Variants in NTRK2 observed in about 807,000 individuals in gnomAD.
NTRK2 encodes the protein neurotrophic receptor tyrosine kinase 2, also known as BDNF/NT-3 growth factors receptor.
A neutral mutation model predicts 94.5 loss-of-function variants in NTRK2; 13 were observed. The ratio of observed to expected loss-of-function variants is 0.14; its 90% confidence interval spans 0.09 to 0.22. The LOEUF is 0.22. Among genes scored for constraint, NTRK2 ranks in the 10% least tolerant of loss-of-function variants. NTRK2 has a pLI of 1.00. For synonymous variants in NTRK2, 372 were observed against 407.4 expected, an observed-to-expected ratio of 0.91 and a Z score of 1.05; for missense variants, 639 against 1,071.2, an observed-to-expected ratio of 0.60 and a Z score of 5.63.
rs199872297 is a variant in NTRK2, at chr9:84,948,653, G to C, written c.1937+19G>C. 1 of 1,613,488 alleles carries C rather than the reference G, an allele frequency of 6.2e-7. No homozygotes were observed. The highest frequency in any genetic ancestry group is 8.5e-7 in the Non-Finnish European group (1 of 1,179,554). On this transcript the variant is annotated intron_variant, in intron 16 of 18. Coordinates refer to ENST00000277120, the MANE Select transcript of NTRK2 (RefSeq NM_006180.6). ...TCCTCAGGTACAGTGAGGCGGGGAG[G>C]TGGGCTCCAGGAGGGAGCAGGCCTT...
At chr9:84,680,386 TTCTC>T (rs2131385823) in intron 2 of NTRK2, among the ~76,000 whole-genome samples, 1 of 152,304 alleles carries the variant, frequency 6.6e-6, no homozygotes, top group African/African-American at 2.4e-5. Context: ...TTTCATTATT[TTCTC>T]TCTGTCAAAT....
At chr9:84,672,141 C>T (rs546678646) in intron 2 of NTRK2, among the ~76,000 whole-genome samples, 6 of 152,264 alleles carry the variant, frequency 3.9e-5, no homozygotes, top group Admixed American at 1.3e-4. Context: ...TTTCTGCCAA[C>T]GTAGTTGACC....
At chr9:84,865,059 T>A (rs1453890543) in intron 13 of NTRK2, among the ~76,000 whole-genome samples, 1 of 152,098 alleles carries the variant, frequency 6.6e-6, no homozygotes, top group Non-Finnish European at 1.5e-5. Flanking sequence ...CATTTTTAAT[T>A]GATGGCCAGA....
intron 12 of NTRK2, among the ~76,000 whole-genome samples, chr9:84,790,402 CA>C (rs1267380142): frequency 1.3e-5 from 2 of 152,190 alleles, no homozygotes; most frequent in African/African-American, 2.4e-5. Context: ...AACATTTTGA[CA>C]AGAGAAATTT....
At chr9:84,958,805 TGAAAGTGAATATTTGCCATCATAGAAC>T in intron 17 of NTRK2, among the ~76,000 whole-genome samples, 1 of 152,214 alleles carries the variant, frequency 6.6e-6, no homozygotes, top group African/African-American at 2.4e-5. Context: ...TTTCGTTTCA[TGAAAGTGAATATTTGCCATCATAGAAC>T]TGGTTCTTGG....
At chr9:84,912,611 CTTTTTTTTT>C (rs1212242779) in intron 14 of NTRK2, among the ~76,000 whole-genome samples, 2 of 95,238 alleles carry the variant, frequency 2.1e-5, no homozygotes, top group Non-Finnish European at 4.0e-5. Context: ...TTTGACTTGC[CTTTTTTTTT>C]TTTTTTTTTT....
intron 17 of NTRK2, among the ~76,000 whole-genome samples, chr9:84,993,008 C>A (rs1056612427): frequency 1.3e-5 from 2 of 151,788 alleles, no homozygotes; most frequent in African/African-American, 4.8e-5. Flanking sequence ...ATAGGCATTT[C>A]CAGTCCTCAT....
chr9:84,841,129 T>G (rs2074158375), intron 12 of NTRK2, among the ~76,000 whole-genome samples: 1 of 152,208 alleles, frequency 6.6e-6, no homozygotes, highest in African/African-American at 2.4e-5. Flanking sequence ...TCAGATGCAT[T>G]TTGAATCCGT....
At chr9:84,743,699 T>C (rs756108379) in intron 10 of NTRK2, among the ~76,000 whole-genome samples, 14 of 152,242 alleles carry the variant, frequency 9.2e-5, no homozygotes, top group Non-Finnish European at 1.9e-4. Context: ...CAGATCCTAC[T>C]TTGGATCTTT....
At chr9:84,928,294 C>T (rs2077893461) in intron 14 of NTRK2, among the ~76,000 whole-genome samples, 2 of 152,122 alleles carry the variant, frequency 1.3e-5, no homozygotes, top group Admixed American at 1.3e-4. Flanking sequence ...TTTGGAAAAT[C>T]ATTTTTGTTA....
intron 1 of NTRK2, among the ~76,000 whole-genome samples, chr9:84,670,114 A>G (rs1283467367): frequency 6.6e-6 from 1 of 151,656 alleles, no homozygotes. Context: ...GGCCTGTACC[A>G]TGGAATCCTG....
rs1046429707 is a variant in NTRK2, at chr9:84,955,680, G to A, written c.2172+163G>A. 4.1e-5 allele frequency: 30 copies of A among 726,646 alleles called. No homozygotes were observed. The African/African-American group carries it at 4.5e-4, about 11-fold the overall frequency. 45.0% of individuals were successfully genotyped at this position (726,646 alleles called of 1,614,324 possible). A position where few individuals can be genotyped will look rare whatever the true frequency, so the allele number is the denominator to read the frequency against. On this transcript the variant is annotated intron_variant, in intron 17 of 18. Transcript: ENST00000277120. ...TGGAGGCTGGAAGTCCAAGCTCAAG[G>A]TGTGAGTGGGATTGGTTCCTCCTGA... is the stretch of plus-strand genomic sequence containing the variant.
intron 12 of NTRK2, among the ~76,000 whole-genome samples, chr9:84,797,608 A>G (rs2069552028): frequency 2.5e-5 from 2 of 80,652 alleles, no homozygotes; most frequent in African/African-American, 5.1e-5. Flanking sequence ...TATATTATAT[A>G]TAATATATAT....
At chr9:84,958,447 C>G (rs543721173) in intron 17 of NTRK2, among the ~76,000 whole-genome samples, 1 of 152,300 alleles carries the variant, frequency 6.6e-6, no homozygotes, top group South Asian at 2.1e-4. Context: ...TTCTGAAGTA[C>G]TTTCTTCTGA....
At chr9:85,015,625 T>C (rs1832135460) in intron 17 of NTRK2, among the ~76,000 whole-genome samples, 1 of 152,166 alleles carries the variant, frequency 6.6e-6, no homozygotes, top group Non-Finnish European at 1.5e-5. Flanking sequence ...TCTTGAGGCA[T>C]GTGATACGTT....
chr9:84,781,147 G>A (rs1430485726), intron 12 of NTRK2, among the ~76,000 whole-genome samples: 3 of 151,988 alleles, frequency 2.0e-5, no homozygotes, highest in Non-Finnish European at 4.4e-5. Context: ...TGTATGTTCC[G>A]GTGTCCAAAC....
intron 17 of NTRK2, among the ~76,000 whole-genome samples, chr9:85,005,294 A>G (rs1305160412): frequency 6.6e-6 from 1 of 152,202 alleles, no homozygotes; most frequent in Non-Finnish European, 1.5e-5. Flanking sequence ...TGGGGAAGTG[A>G]TGCAAAATGA....
At chr9:84,882,967 A>G (rs894369424) in intron 14 of NTRK2, among the ~76,000 whole-genome samples, 53 of 152,126 alleles carry the variant, frequency 3.5e-4, no homozygotes, top group African/African-American at 1.2e-3. Context: ...GGGTTTCACC[A>G]TGTTGTCCAG....
chr9:84,874,310 G>A (rs2075986169), intron 14 of NTRK2: 1 of 1,065,226 alleles, frequency 9.4e-7, no homozygotes, highest in Non-Finnish European at 1.1e-6. Context: ...CACCACCGGA[G>A]TTTTTCTTGG....
Sources: allele counts gnomAD v4.1 joint callset (sites outside exome capture counted in the v4.1 genomes callset), GRCh38; gene constraint gnomAD v4.1.1; transcripts MANE v1.5; gene names NCBI Gene and HGNC (gene_info 2026-07-23, HGNC 2026-07-21).